Variants in PCDHA1 observed in about 807,000 individuals in gnomAD.
The protein encoded by PCDHA1 is protocadherin alpha-1.
PCDHA1 carries 42 observed loss-of-function variants against 61.3 expected under a neutral mutation model. The ratio of observed to expected loss-of-function variants is 0.69; its 90% confidence interval spans 0.54 to 0.89. The LOEUF (loss-of-function observed/expected upper bound fraction) is 0.89, where lower values mean the gene tolerates loss of function less well. PCDHA1 is among the 40% of genes least tolerant of loss of function. The pLI, the probability that PCDHA1 is intolerant of heterozygous loss-of-function variation, is 0.00. For missense variants in PCDHA1, 1,256 were observed against 1,235.3 expected (o/e 1.02, Z -0.25); for synonymous variants, 610 against 553.8 (o/e 1.10, Z -1.43).
At chr5:141,005,650 C>T (rs1262025643) in intron 3 of PCDHA1, among the ~76,000 whole-genome samples, 4 of 126,784 alleles carry the variant, frequency 3.2e-5, no homozygotes, top group African/African-American at 9.3e-5. Context: ...TGCAGTGAGT[C>T]GAGATCGCGC....
chr5:140,930,012 A>G (rs1369011586), intron 1 of PCDHA1: 1 of 152,208 alleles, frequency 6.6e-6, no homozygotes, highest in Non-Finnish European at 1.5e-5. Context: ...CATAGCTGAT[A>G]GCTCCATAGC....
At chr5:140,834,836 G>A in intron 1 of PCDHA1, 5 of 1,611,792 alleles carry the variant, frequency 3.1e-6, no homozygotes, top group Non-Finnish European at 3.4e-6. Context: ...TTGACTCTCG[G>A]TTTCCACTAG....
At chr5:140,870,438 C>A in intron 1 of PCDHA1, 1 of 1,614,178 alleles carries the variant, frequency 6.2e-7, no homozygotes, top group Non-Finnish European at 8.5e-7. Context: ...TGGAGGTGGC[C>A]GACGTGAACG....
At chr5:140,852,896 T>G (rs1554146161) in intron 1 of PCDHA1, 1 of 852,356 alleles carries the variant, frequency 1.2e-6, no homozygotes, top group African/African-American at 1.8e-5. Flanking sequence ...TTTTTTTTTT[T>G]GAGTCAGAGT....
intron 1 of PCDHA1, among the ~76,000 whole-genome samples, chr5:140,935,686 C>T (rs943427521): frequency 3.3e-5 from 5 of 152,108 alleles, no homozygotes; most frequent in Non-Finnish European, 7.4e-5. Flanking sequence ...ATTTACATGG[C>T]TCCAAAATAA....
At chr5:140,957,252 A>C (rs557518275) in intron 1 of PCDHA1, among the ~76,000 whole-genome samples, 80 of 152,330 alleles carry the variant, frequency 5.3e-4, no homozygotes, top group African/African-American at 1.9e-3. Context: ...CCTAAAATTT[A>C]AATATGTAAG....
chr5:140,988,694 C>T (rs1328459106), intron 3 of PCDHA1, among the ~76,000 whole-genome samples: 1 of 152,180 alleles, frequency 6.6e-6, no homozygotes, highest in Non-Finnish European at 1.5e-5. Flanking sequence ...CCTAGACGCT[C>T]TGTATTTTCT....
At chr5:140,869,531 C>A (rs782191099) in intron 1 of PCDHA1, 11 of 1,614,032 alleles carry the variant, frequency 6.8e-6, no homozygotes, top group African/African-American at 2.7e-5. Flanking sequence ...CTGCTGATTG[C>A]GGAATCTAAG....
At chr5:140,905,627 G>A (rs1233983487) in intron 1 of PCDHA1, among the ~76,000 whole-genome samples, 1 of 152,150 alleles carries the variant, frequency 6.6e-6, no homozygotes, top group African/African-American at 2.4e-5. Context: ...GCTTTTGACA[G>A]TATGGTCAGT....
chr5:140,857,551 C>G (rs781926711), intron 1 of PCDHA1: 5 of 1,596,944 alleles, frequency 3.1e-6, no homozygotes. Flanking sequence ...TGGGCGAGCG[C>G]TCGCTGTCGA....
At chr5:140,805,360 G>T (rs1264895208) in intron 1 of PCDHA1, 10 of 1,180,340 alleles carry the variant, frequency 8.5e-6, no homozygotes, top group African/African-American at 1.6e-5. Context: ...ATATAGTTTG[G>T]GTCCCCACAT....
intron 1 of PCDHA1, chr5:140,829,772 A>C: frequency 6.2e-7 from 1 of 1,613,784 alleles, no homozygotes; most frequent in Non-Finnish European, 8.5e-7. Context: ...CGAGAACGAC[A>C]ACGCGCCGGC....
At chr5:140,888,011 A>G (rs1554183291) in intron 1 of PCDHA1, among the ~76,000 whole-genome samples, 1 of 152,138 alleles carries the variant, frequency 6.6e-6, no homozygotes, top group African/African-American at 2.4e-5. Flanking sequence ...TCATCTTTTT[A>G]TCTATATGTT....
intron 1 of PCDHA1, among the ~76,000 whole-genome samples, chr5:140,855,023 G>C (rs115040572): frequency 0.046 from 6,867 of 149,598 alleles, 637 homozygotes; most frequent in Middle Eastern, 0.088. Context: ...GAAACTTCTT[G>C]TATAAAGGAT....
In PCDHA1 at chr5:140,873,562, T is replaced by C. The variant is rs2054348263; in HGVS notation, c.2394+84878T>C. On this transcript the variant is annotated intron_variant, in intron 1 of 3. Coordinates refer to ENST00000504120, the MANE Select transcript of PCDHA1 (RefSeq NM_018900.4). ...AAAATTATAATTTCAATTTATTTTCTAGTTTGGTTGTTTAAGTATTAAGCT... is the reference window on the plus strand; with the variant it reads ...AAAATTATAATTTCAATTTATTTTCCAGTTTGGTTGTTTAAGTATTAAGCT... Among the ~76,000 whole-genome samples, 7 of 149,812 alleles carry C rather than the reference T, an allele frequency of 4.7e-5. No individual in the cohort carries two copies. In the South Asian group the frequency reaches 1.5e-3, roughly 31 times the overall value.
chr5:140,796,852 G>A (rs1762148334), intron 1 of PCDHA1: 1 of 1,613,978 alleles, frequency 6.2e-7, no homozygotes, highest in Admixed American at 1.7e-5. Flanking sequence ...ATACACGGGT[G>A]AGATCAGCAC....
At chr5:140,851,199 C>T in intron 1 of PCDHA1, 2 of 1,195,966 alleles carry the variant, frequency 1.7e-6, no homozygotes, top group Non-Finnish European at 2.1e-6. Context: ...AGTTGTTAGT[C>T]ATTCATTAAA....
At chr5:140,827,407 A>C (rs1402035341) in intron 1 of PCDHA1, among the ~76,000 whole-genome samples, 1 of 152,242 alleles carries the variant, frequency 6.6e-6, no homozygotes, top group African/African-American at 2.4e-5. Flanking sequence ...TGTGATAAAG[A>C]ATATGCTCTA....
In PCDHA1 at chr5:140,849,990, T is replaced by C. The variant is rs2150462015; in HGVS notation, c.2394+61306T>C. On this transcript the variant is annotated intron_variant, in intron 1 of 3. Coordinates refer to ENST00000504120, the MANE Select transcript of PCDHA1 (RefSeq NM_018900.4). ...GTCCTACTCGCTGGTGGAGCGGCGG[T>C]TGGGCGAGCGCTCGCTGTCGAGCTA... 88 of 1,596,734 alleles carry C rather than the reference T, an allele frequency of 5.5e-5. 7 individuals carry two copies. Among genetic ancestry groups the C allele is most frequent in the Non-Finnish European group, 6.9e-5 (80 of 1,167,720 alleles).
Sources: allele counts gnomAD v4.1 joint callset (sites outside exome capture counted in the v4.1 genomes callset), GRCh38; gene constraint gnomAD v4.1.1; transcripts MANE v1.5; gene names NCBI Gene and HGNC (gene_info 2026-07-23, HGNC 2026-07-21).